Variants in ZFYVE28 observed in about 807,000 individuals in gnomAD.
The protein encoded by ZFYVE28 is lateral signaling target protein 2 homolog.
ZFYVE28 carries 40 observed loss-of-function variants against 82.1 expected under a neutral mutation model. The observed-to-expected ratio is 0.49, with a 90% CI of 0.38 to 0.63. The LOEUF is 0.63. ZFYVE28 is among the 30% of genes least tolerant of loss of function. ZFYVE28 has a pLI of 0.00. For synonymous variants in ZFYVE28, 612 were observed against 546.1 expected, an observed-to-expected ratio of 1.12 and a Z score of -1.68; for missense variants, 1,321 against 1,242.1, an observed-to-expected ratio of 1.06 and a Z score of -0.96.
At chr4:2,288,032 T>C (rs7694881) in intron 8 of ZFYVE28, among the ~76,000 whole-genome samples, 15,410 of 152,198 alleles carry the variant, frequency 0.1, 1,566 homozygotes, top group African/African-American at 0.24. Flanking sequence ...CACTCCTGTC[T>C]GGCCGGGCCC....
Position 2,304,953 on chromosome 4 carries a change from G to T in ZFYVE28, c.1387C>A (p.Leu463Ile), listed in dbSNP as rs534718019. 6.2e-7 allele frequency: 1 copy of T among 1,612,734 alleles called. No individual in the cohort carries two copies. The highest frequency in any genetic ancestry group is 2.2e-5 in the East Asian group (1 of 44,864). ...GCCCCATCTGTGCCCTCGGCCTCGA[G>T]ATTGTTGTTGCTCAAGTCCTCCTCC... ...EKEEDLSNNN[L>I]EAEGTDGASL... The change falls in exon 8 of 13, where the codon CTC becomes ATC. Residue 463 changes from leucine (L) to isoleucine (I), a missense_variant. Physicochemically the swap from Leu to Ile is conservative, Grantham distance 5. Coordinates refer to ENST00000290974, the MANE Select transcript of ZFYVE28 (RefSeq NM_020972.3).
At chr4:2,284,228 G>A (rs1712389628) in intron 8 of ZFYVE28, among the ~76,000 whole-genome samples, 1 of 152,248 alleles carries the variant, frequency 6.6e-6, no homozygotes, top group South Asian at 2.1e-4. Context: ...GTTCAGAAAT[G>A]AGACCATTTC....
Position 2,320,079 on chromosome 4 carries a change from C to A in ZFYVE28, c.803+91G>T. Reference sequence around the variant, plus strand: ...TCCTTCCTCACAGAGAGGAGGAGGACCTGGAGGCGGCGGCTAAACATGACT... The same window carrying A: ...TCCTTCCTCACAGAGAGGAGGAGGAACTGGAGGCGGCGGCTAAACATGACT... On this transcript the variant is annotated intron_variant, in intron 7 of 12. Coordinates refer to ENST00000290974, the MANE Select transcript of ZFYVE28 (RefSeq NM_020972.3). This position sits in a 1 kb window ranked among gnomAD's most constrained non-coding sequence, Gnocchi z 5.1. The A allele has an allele frequency of 8.2e-7, 1 of 1,221,360 alleles. No homozygotes were observed. Among genetic ancestry groups the A allele is most frequent in the Non-Finnish European group, 1.2e-6 (1 of 843,762 alleles). 75.7% of individuals were successfully genotyped at this position (1,221,360 alleles called of 1,614,324 possible). A position where few individuals can be genotyped will look rare whatever the true frequency, so the allele number is the denominator to read the frequency against.
chr4:2,273,104 AC>A, intron 10 of ZFYVE28, 68 bp downstream of exon 10: 2 of 1,295,752 alleles, frequency 1.5e-6, no homozygotes, highest in East Asian at 2.3e-5. Flanking sequence ...ATTTCTGAGC[AC>A]CCCTCCCTGT....
chr4:2,350,592 G>A (rs545310333), intron 2 of ZFYVE28, among the ~76,000 whole-genome samples: 9 of 152,298 alleles, frequency 5.9e-5, no homozygotes, highest in African/African-American at 2.2e-4. Context: ...ACTGGTGGCT[G>A]GGGGGCCCTA....
chr4:2,373,513 A>T (rs1381410349), intron 1 of ZFYVE28, among the ~76,000 whole-genome samples: 1 of 152,204 alleles, frequency 6.6e-6, no homozygotes, highest in Admixed American at 6.5e-5. Flanking sequence ...TCAAAAAAAT[A>T]ATTTTAAGTA....
At chr4:2,354,197 G>A (rs182697423) in intron 1 of ZFYVE28, 124 bp from the exon 2 acceptor site, 54 of 1,121,828 alleles carry the variant, frequency 4.8e-5, no homozygotes, top group Admixed American at 4.3e-4. Flanking sequence ...AGCAGCAGCC[G>A]GCTCTTTTAT....
chr4:2,399,053 C>CGTGGAGGTGAGATCCAGGGCACAAGA (rs1560338730), intron 1 of ZFYVE28, among the ~76,000 whole-genome samples: 1 of 78,948 alleles, frequency 1.3e-5, no homozygotes, highest in Non-Finnish European at 2.3e-5. Context: ...AGGGCACAAG[C>CGTGGAGGTGAGATCCAGGGCACAAGA]GTGGAGGTGA....
At chr4:2,337,612 G>A (rs541041259) in intron 4 of ZFYVE28, 116 bp from the exon 5 acceptor site, 6 of 767,412 alleles carry the variant, frequency 7.8e-6, no homozygotes, top group East Asian at 5.8e-5. Context: ...GGGGGCGGGG[G>A]GCCTCACGCC....
rs761892791 is a variant in ZFYVE28, at chr4:2,304,624, G to A, written c.1716C>T (p.Asp572=). 6.2e-7 allele frequency: 1 copy of A among 1,612,504 alleles called. No homozygotes were observed. The highest frequency in any genetic ancestry group is 1.1e-5 in the South Asian group (1 of 91,050). ...GACGCTCCACCACGTCCTCCCTGCT[G>A]TCCCCGCAGCTCCCACAGCACACGC... ...HSCVCCGSCG[D]SREDVVERLR... is the part of the protein sequence containing the mutation. Residue 572 remains aspartate (D), a synonymous_variant, in exon 8 of 13, where the codon GAC becomes GAT. Transcript: ENST00000290974.
At chr4:2,357,356 C>T (rs1265925984) in intron 1 of ZFYVE28, among the ~76,000 whole-genome samples, 2 of 152,210 alleles carry the variant, frequency 1.3e-5, no homozygotes, top group African/African-American at 2.4e-5. Flanking sequence ...GAGCCAAGAA[C>T]AGCACCTTCC....
chr4:2,339,680 A>T lies in ZFYVE28; in HGVS notation c.319-25T>A. 6.4e-7 allele frequency: 1 copy of T among 1,567,042 alleles called. No individual in the cohort carries two copies. Among genetic ancestry groups the T allele is most frequent in the South Asian group, 1.2e-5 (1 of 86,056 alleles). On this transcript the variant is annotated intron_variant, in intron 3 of 12. Coordinates refer to ENST00000290974, the MANE Select transcript of ZFYVE28 (RefSeq NM_020972.3). This position sits in a 1 kb window ranked among gnomAD's most constrained non-coding sequence, Gnocchi z 5.0. ...ACTGCGGGAGGGGACACACTCAGGG[A>T]GGGGCCCGGGTGAGGGCCAGGCTCT...
chr4:2,407,736 G>A (rs897207498), intron 1 of ZFYVE28, among the ~76,000 whole-genome samples: 5 of 152,064 alleles, frequency 3.3e-5, no homozygotes, highest in African/African-American at 1.2e-4. Context: ...GATTACAGAC[G>A]CACCACCACG....
At chr4:2,333,694 C>A (rs953117854) in intron 6 of ZFYVE28, among the ~76,000 whole-genome samples, 15 of 152,190 alleles carry the variant, frequency 9.9e-5, no homozygotes, top group Admixed American at 9.8e-4. Flanking sequence ...ACAAGGACAG[C>A]AGAGCTGTTC....
intron 6 of ZFYVE28, among the ~76,000 whole-genome samples, chr4:2,322,108 T>G (rs1719170690): frequency 6.6e-6 from 1 of 152,234 alleles, no homozygotes; most frequent in Non-Finnish European, 1.5e-5. Context: ...GGCTGAGCCC[T>G]GCTGCTCAGC....
intron 6 of ZFYVE28, among the ~76,000 whole-genome samples, chr4:2,333,284 C>A (rs1460272550): frequency 2.6e-4 from 36 of 140,374 alleles, no homozygotes; most frequent in Admixed American, 1.9e-3. Flanking sequence ...GCTGCCCCCC[C>A]ACCTCCCTCC....
At chr4:2,317,198 G>C (rs1018556554) in intron 7 of ZFYVE28, among the ~76,000 whole-genome samples, 1 of 151,346 alleles carries the variant, frequency 6.6e-6, no homozygotes, top group African/African-American at 2.4e-5. Context: ...ATGTTGGCTG[G>C]GCTGGTCTCA....
At chr4:2,379,536 G>C (rs563617778) in intron 1 of ZFYVE28, among the ~76,000 whole-genome samples, 1 of 152,116 alleles carries the variant, frequency 6.6e-6, no homozygotes, top group African/African-American at 2.4e-5. Flanking sequence ...ATCACTCCTG[G>C]ACGACAAATC....
At chr4:2,415,469 C>A (rs1330814480) in intron 1 of ZFYVE28, among the ~76,000 whole-genome samples, 1 of 151,870 alleles carries the variant, frequency 6.6e-6, no homozygotes, top group African/African-American at 2.4e-5. Flanking sequence ...CACACACACA[C>A]ACACACACAC....
Sources: allele counts gnomAD v4.1 joint callset (sites outside exome capture counted in the v4.1 genomes callset), GRCh38; gene constraint gnomAD v4.1.1; non-coding constraint Gnocchi (gnomAD v3.1); transcripts MANE v1.5; gene names NCBI Gene and HGNC (gene_info 2026-07-23, HGNC 2026-07-21).